The following N4BP2 variants were observed in gnomAD, a reference collection of about 807,000 sequenced individuals.
N4BP2 encodes the protein NEDD4-binding protein 2.
Under a neutral mutation model 152.8 loss-of-function variants are expected in N4BP2, and 91 were observed. The ratio of observed to expected loss-of-function variants is 0.60; its 90% CI spans 0.50 to 0.71. N4BP2 has a LOEUF of 0.71. N4BP2 is among the 30% of genes least tolerant of loss of function. The pLI, the probability that N4BP2 is intolerant of heterozygous loss-of-function variation, is 0.00. For synonymous variants in N4BP2, 646 were observed against 705.3 expected, an observed-to-expected ratio of 0.92 and a Z score of 1.33; for missense variants, 1,923 against 2,059.1, an observed-to-expected ratio of 0.93 and a Z score of 1.28.
rs1348595391 is a variant in N4BP2 at position 40,113,611 on chromosome 4, G to A, written c.1664+103G>A. ...AAATGATGAATGAATTGATTAGATT[G>A]TAACTTAATTTCTATTGCTTACGGC... On this transcript the variant is annotated intron_variant, in intron 7 of 17. Coordinates refer to ENST00000261435, the MANE Select transcript of N4BP2 (RefSeq NM_018177.6). 23 of 793,696 alleles carry A rather than the reference G, an allele frequency of 2.9e-5. No homozygotes were observed. The East Asian group carries it at 3.7e-4, about 13-fold the overall frequency. The allele number at this position is 793,696 out of a possible 1,614,324, so 49.2% of individuals were successfully genotyped here.
intron 17 of N4BP2, 37 bp downstream of exon 17, chr4:40,152,940 C>T (rs753500044): frequency 6.2e-7 from 1 of 1,601,266 alleles, no homozygotes; most frequent in Non-Finnish European, 8.5e-7. Flanking sequence ...ATGGCAACTG[C>T]CCATATAGAT....
rs114115109 is a variant in N4BP2 at position 40,093,407 on chromosome 4, G to A, written c.-114-3820G>A. ...TTCCTGTAATCACTGCTTTAGCCATGTTCTACAATTTTTTTTTGAGACAGA... is the reference window on the plus strand; with the variant it reads ...TTCCTGTAATCACTGCTTTAGCCATATTCTACAATTTTTTTTTGAGACAGA... On this transcript the variant is annotated intron_variant, in intron 2 of 17. Coordinates refer to ENST00000261435, the MANE Select transcript of N4BP2 (RefSeq NM_018177.6). Among the ~76,000 whole-genome samples, 497 of 151,686 alleles carry A rather than the reference G, an allele frequency of 3.3e-3. 1 individual carries two copies. The highest frequency in any genetic ancestry group is 0.011 in the African/African-American group (456 of 41,412).
chr4:40,131,994 T>C (rs2664209), intron 13 of N4BP2, 75 bp downstream of exon 13: 64,288 of 934,604 alleles, frequency 0.069, 6,004 homozygotes, highest in East Asian at 0.44. Context: ...ATTTTTCTGA[T>C]AACAAAAATA....
In N4BP2 at chr4:40,102,519, A is replaced by C. The variant is rs1470270197; in HGVS notation, c.674A>C (p.Lys225Thr). Residue 225 changes from lysine to threonine, a missense_variant, in exon 4 of 18, where the codon AAG becomes ACG. Coordinates refer to ENST00000261435, the MANE Select transcript of N4BP2 (RefSeq NM_018177.6). ...LPSHSVLNES[K>T]CFIKDNTLAL... ...TCACATTCAGTTTTGAACGAGTCCA[A>C]GTGTTTTATAAAGGATAACACATTG... 1 of 1,614,222 alleles carries C rather than the reference A, an allele frequency of 6.2e-7. No homozygotes were observed. Among genetic ancestry groups the C allele is most frequent in the Admixed American group, 1.7e-5 (1 of 60,032 alleles).
At chr4:40,112,405 G>GT (rs1368806884) in intron 6 of N4BP2, among the ~76,000 whole-genome samples, 1 of 151,962 alleles carries the variant, frequency 6.6e-6, no homozygotes, top group East Asian at 1.9e-4. Context: ...AGATTGTTTT[G>GT]TTTTTTGGGG....
chr4:40,160,323 C>T (rs1373168461), downstream of N4BP2, among the ~76,000 whole-genome samples: 4 of 152,124 alleles, frequency 2.6e-5, no homozygotes, highest in Non-Finnish European at 5.9e-5. Flanking sequence ...GATGGTTTGA[C>T]GTATTTTTCG....
chr4:40,064,250 A>C (rs1055766469), intron 1 of N4BP2, among the ~76,000 whole-genome samples: 1 of 152,170 alleles, frequency 6.6e-6, no homozygotes, highest in Admixed American at 6.6e-5. Context: ...CTTTTGGCTT[A>C]TGCTAGCTTA....
chr4:40,117,886 T>C lies in N4BP2; in HGVS notation c.1682T>C (p.Val561Ala). ...ATTTTCAGGCGTAACATTCATGGGG[T>C]AAGCAAAGAAAAAATAACAAGAATG... Reference protein sequence around the residue: ...KELARRNIHGVSKEKITRMLE... With the variant: ...KELARRNIHGASKEKITRMLE... The change falls in exon 8 of 18, where the codon GTA (valine) becomes GCA (alanine). Residue 561 changes from valine to alanine, a missense_variant. Physicochemically the swap from Val to Ala is moderately conservative, Grantham distance 64. Transcript: ENST00000261435. 1.9e-6 allele frequency: 3 copies of C among 1,610,032 alleles called. No individual in the cohort carries two copies. Among genetic ancestry groups the C allele is most frequent in the Non-Finnish European group, 2.5e-6 (3 of 1,178,312 alleles).
At chr4:40,072,261 T>C (rs1712270886) in intron 1 of N4BP2, among the ~76,000 whole-genome samples, 1 of 149,824 alleles carries the variant, frequency 6.7e-6, no homozygotes, top group Non-Finnish European at 1.5e-5. Flanking sequence ...TTTTTTTTTT[T>C]TTTGATATGG....
At chr4:40,129,228 T>G (rs541239965) in intron 12 of N4BP2, among the ~76,000 whole-genome samples, 4 of 150,212 alleles carry the variant, frequency 2.7e-5, no homozygotes, top group Admixed American at 6.6e-5. Context: ...TTTATTTTGT[T>G]TTGTTTTGTT....
At chr4:40,140,704 G>T (rs1330909405) in intron 14 of N4BP2, among the ~76,000 whole-genome samples, 3 of 151,676 alleles carry the variant, frequency 2.0e-5, no homozygotes, top group African/African-American at 7.3e-5. Flanking sequence ...GTGAACAAAG[G>T]TCTCTGGTTT....
intron 13 of N4BP2, 106 bp downstream of exon 13, chr4:40,132,025 C>T (rs1718947771): frequency 1.3e-6 from 1 of 775,240 alleles, no homozygotes; most frequent in South Asian, 1.7e-5. Context: ...ACAGTAGTCT[C>T]TCCTAATCTG....
intron 14 of N4BP2, among the ~76,000 whole-genome samples, chr4:40,139,387 G>C (rs1001541590): frequency 6.6e-6 from 1 of 151,862 alleles, no homozygotes; most frequent in African/African-American, 2.4e-5. Flanking sequence ...TTGAGCCACC[G>C]CACCTGGCCT....
chr4:40,165,821 G>T, the N4BP2 span, among the ~76,000 whole-genome samples: 6 of 152,128 alleles, frequency 3.9e-5, no homozygotes, highest in Non-Finnish European at 8.8e-5. Context: ...TATAGCACAA[G>T]TTGAAATTAG....
chr4:40,124,704 G>A (rs1718235964), intron 11 of N4BP2, among the ~76,000 whole-genome samples: 1 of 151,996 alleles, frequency 6.6e-6, no homozygotes, highest in African/African-American at 2.4e-5. Context: ...ACTTAAAGGG[G>A]GAAAAAGCCC....
intron 2 of N4BP2, among the ~76,000 whole-genome samples, chr4:40,089,916 T>C (rs1050606644): frequency 7.0e-6 from 1 of 142,282 alleles, no homozygotes; most frequent in Non-Finnish European, 1.5e-5. Flanking sequence ...TTAATATTTC[T>C]GTAAATATTT....
chr4:40,078,147 G>GTGTA (rs1712965036), intron 2 of N4BP2, among the ~76,000 whole-genome samples: 1 of 147,182 alleles, frequency 6.8e-6, no homozygotes, highest in African/African-American at 2.5e-5. Context: ...GTGTGTGTGT[G>GTGTA]TATGTGTGTA....
intron 4 of N4BP2, among the ~76,000 whole-genome samples, chr4:40,106,135 T>C (rs976071827): frequency 7.9e-5 from 12 of 152,206 alleles, no homozygotes; most frequent in African/African-American, 2.7e-4. Flanking sequence ...CTAACCATTA[T>C]AAAGATTTTA....
chr4:40,150,676 G>A (rs1439852584), intron 16 of N4BP2, among the ~76,000 whole-genome samples: 15 of 146,392 alleles, frequency 1.0e-4, no homozygotes, highest in East Asian at 2.0e-4. Flanking sequence ...GTCTCAGGGG[G>A]AAAAAAAAAA....
Sources: gnomAD v4.1 joint callset for allele counts (sites outside exome capture counted in the v4.1 genomes callset) on GRCh38, gnomAD v4.1.1 for gene constraint, MANE v1.5 for transcripts, NCBI Gene and HGNC (gene_info 2026-07-23, HGNC 2026-07-21) for gene names.